The following HS6ST3 variants were observed in gnomAD, a reference collection of about 807,000 sequenced individuals.
The protein encoded by HS6ST3 is heparan sulfate 6-O-sulfotransferase 3, also known as heparan-sulfate 6-O-sulfotransferase 3.
A neutral mutation model predicts 36.7 loss-of-function variants in HS6ST3; 12 were observed. The ratio of observed to expected loss-of-function variants is 0.33; its 90% CI spans 0.21 to 0.53. The LOEUF (loss-of-function observed/expected upper bound fraction) is 0.53, where lower values mean the gene tolerates loss of function less well. HS6ST3 is among the 20% of genes least tolerant of loss of function. The pLI is 0.95. For synonymous variants in HS6ST3, 240 were observed against 257.5 expected (o/e 0.93, Z 0.65); for missense variants, 584 against 640.9 (o/e 0.91, Z 0.96).
intron 1 of HS6ST3, among the ~76,000 whole-genome samples, chr13:96,447,487 C>CT (rs1461236771): frequency 6.6e-6 from 1 of 152,192 alleles, no homozygotes; most frequent in Non-Finnish European, 1.5e-5. Context: ...CATTTCTTGT[C>CT]TAGCAGGAAA....
At chr13:96,267,438 T>C (rs537816590) in intron 1 of HS6ST3, among the ~76,000 whole-genome samples, 1 of 152,318 alleles carries the variant, frequency 6.6e-6, no homozygotes, top group Non-Finnish European at 1.5e-5. Flanking sequence ...TTCTAAATCT[T>C]TAAATCTAAT....
In HS6ST3 at chr13:96,193,522, C is replaced by T. The variant is rs182325638; in HGVS notation, c.707+101953C>T. Among the ~76,000 whole-genome samples the T allele has an allele frequency of 8.3e-4, 127 of 152,130 alleles. 1 individual carries two copies. Among genetic ancestry groups the T allele is most frequent in the African/African-American group, 2.7e-3 (110 of 41,490 alleles). ...GGGGAGGCTAGGGATAAAAAAATGC[C>T]GGACTCTCAGACAGCGATCAATTTA... On this transcript the variant is annotated intron_variant, in intron 1 of 1. Transcript: ENST00000376705.
At chr13:96,239,096 A>G (rs1382671673) in intron 1 of HS6ST3, among the ~76,000 whole-genome samples, 1 of 152,220 alleles carries the variant, frequency 6.6e-6, no homozygotes, top group African/African-American at 2.4e-5. Context: ...GGGAGACCTT[A>G]TCCTTACAAA....
chr13:96,586,169 T>G (rs560647274), intron 1 of HS6ST3, among the ~76,000 whole-genome samples: 1 of 152,378 alleles, frequency 6.6e-6, no homozygotes, highest in East Asian at 1.9e-4. Context: ...GTCTTGCTAG[T>G]ATCTTTTGTC....
At chr13:96,216,373 G>A (rs529317929) in intron 1 of HS6ST3, among the ~76,000 whole-genome samples, 29 of 152,250 alleles carry the variant, frequency 1.9e-4, no homozygotes, top group Admixed American at 1.4e-3. Context: ...TCACTGAGCC[G>A]TTGCCTCAAT....
At chr13:96,355,851 T>G (rs1277233833) in intron 1 of HS6ST3, among the ~76,000 whole-genome samples, 2 of 151,864 alleles carry the variant, frequency 1.3e-5, no homozygotes, top group Non-Finnish European at 2.9e-5. Flanking sequence ...CAGTAGAACT[T>G]CTTTCAAAAC....
intron 1 of HS6ST3, among the ~76,000 whole-genome samples, chr13:96,146,267 T>C (rs1365439019): frequency 6.6e-6 from 1 of 152,208 alleles, no homozygotes; most frequent in African/African-American, 2.4e-5. Flanking sequence ...TTTCACGATA[T>C]TGATTCTTCC....
intron 1 of HS6ST3, among the ~76,000 whole-genome samples, chr13:96,406,484 A>G (rs1244254861): frequency 2.0e-5 from 3 of 152,212 alleles, no homozygotes; most frequent in African/African-American, 4.8e-5. Context: ...GTATGTATTC[A>G]TCTTGCATTG....
intron 1 of HS6ST3, among the ~76,000 whole-genome samples, chr13:96,688,955 C>T (rs1232654458): frequency 1.3e-5 from 2 of 152,052 alleles, no homozygotes; most frequent in Non-Finnish European, 2.9e-5. Context: ...CGATCACCTC[C>T]ATCCAAAGAG....
rs140743748 is a variant in HS6ST3, at chr13:96,325,412, C to G, written c.707+233843C>G. Among the ~76,000 whole-genome samples, 110 of 152,098 alleles carry G rather than the reference C, an allele frequency of 7.2e-4. 2 individuals are homozygous for G. The highest frequency in any genetic ancestry group is 2.6e-3 in the African/African-American group (106 of 41,498). On this transcript the variant is annotated intron_variant, in intron 1 of 1. Coordinates refer to ENST00000376705, the MANE Select transcript of HS6ST3 (RefSeq NM_153456.4). The stretch of plus-strand genomic sequence containing the variant: ...TTCCAAAACTCAGACCAAAAATATT[C>G]TTTAATAAACAATTAAAAATAACAA...
chr13:96,571,988 C>A (rs1484648753), intron 1 of HS6ST3, among the ~76,000 whole-genome samples: 1 of 152,164 alleles, frequency 6.6e-6, no homozygotes, highest in Non-Finnish European at 1.5e-5. Flanking sequence ...GAAATAGAGA[C>A]CTTGGCAATG....
intron 1 of HS6ST3, among the ~76,000 whole-genome samples, chr13:96,752,099 G>A (rs912173235): frequency 2.0e-5 from 3 of 151,802 alleles, no homozygotes; most frequent in Non-Finnish European, 4.4e-5. Flanking sequence ...TTTTAAAAAT[G>A]CATATGTTTC....
chr13:96,215,713 T>C (rs954853036), intron 1 of HS6ST3, among the ~76,000 whole-genome samples: 12 of 152,138 alleles, frequency 7.9e-5, no homozygotes, highest in African/African-American at 2.9e-4. Flanking sequence ...TTGTAGAAGA[T>C]TTAGAAAATA....
intron 1 of HS6ST3, among the ~76,000 whole-genome samples, chr13:96,277,983 T>C (rs1422720406): frequency 6.6e-6 from 1 of 152,176 alleles, no homozygotes; most frequent in Non-Finnish European, 1.5e-5. Context: ...TCTGACAGCA[T>C]TGTGCATTAA....
chr13:96,283,808 T>C (rs1298171869), intron 1 of HS6ST3, among the ~76,000 whole-genome samples: 2 of 152,170 alleles, frequency 1.3e-5, no homozygotes, highest in African/African-American at 4.8e-5. Context: ...TGTTAAAACA[T>C]GGATTCTGAC....
chr13:96,249,666 T>C (rs778391661), intron 1 of HS6ST3, among the ~76,000 whole-genome samples: 28 of 152,160 alleles, frequency 1.8e-4, no homozygotes, highest in Non-Finnish European at 3.2e-4. Context: ...CTTTTTCATG[T>C]CAAAATCTGG....
At chr13:96,712,924 A>T (rs906343379) in intron 1 of HS6ST3, among the ~76,000 whole-genome samples, 2 of 152,228 alleles carry the variant, frequency 1.3e-5, no homozygotes, top group African/African-American at 4.8e-5. Flanking sequence ...TGGGATTTTT[A>T]AAAATGGTAA....
chr13:96,110,743 G>C (rs2053864610), intron 1 of HS6ST3, among the ~76,000 whole-genome samples: 1 of 152,160 alleles, frequency 6.6e-6, no homozygotes, highest in Non-Finnish European at 1.5e-5. Flanking sequence ...ATTTCAACAT[G>C]AGATTTGGAG....
rs1481251798 is a variant in HS6ST3, at chr13:96,546,673, A to G, written c.708-285817A>G. The stretch of plus-strand genomic sequence containing the variant: ...AATTTGCCTAGCTTGAAGAATTTGC[A>G]TAAAACCATCGTAGGGGTGTGTTAA... On this transcript the variant is annotated intron_variant, in intron 1 of 1. Transcript: ENST00000376705. 7.9e-5 allele frequency among the ~76,000 whole-genome samples: 12 copies of G among 152,326 alleles called. No individual in the cohort carries two copies. The South Asian group carries it at 8.3e-4, about 11-fold the overall frequency.
Sources: allele counts gnomAD v4.1 joint callset (sites outside exome capture counted in the v4.1 genomes callset), GRCh38; gene constraint gnomAD v4.1.1; transcripts MANE v1.5; gene names NCBI Gene and HGNC (gene_info 2026-07-23, HGNC 2026-07-21).